Variants in TFDP1 observed in about 807,000 individuals in gnomAD.
TFDP1 encodes DRTF1-polypeptide 1.
TFDP1 carries 6 observed loss-of-function variants against 48.0 expected under a neutral mutation model. The ratio of observed to expected loss-of-function variants is 0.13; its 90% confidence interval spans 0.07 to 0.25. TFDP1 has a LOEUF of 0.25. Among genes scored for constraint, TFDP1 ranks in the 10% least tolerant of loss-of-function variants. The pLI is 1.00. For missense variants in TFDP1, 335 were observed against 543.0 expected (o/e 0.62, Z 3.81); for synonymous variants, 201 against 211.6 (o/e 0.95, Z 0.44).
intron 2 of TFDP1, among the ~76,000 whole-genome samples, chr13:113,590,470 C>T (rs545877427): frequency 1.3e-5 from 2 of 152,294 alleles, no homozygotes; most frequent in East Asian, 1.9e-4. Flanking sequence ...CTGCTGTTTC[C>T]TTCAGTGCTT....
chr13:113,630,125 G>A (rs958927800), intron 4 of TFDP1, among the ~76,000 whole-genome samples: 74 of 151,410 alleles, frequency 4.9e-4, no homozygotes, highest in African/African-American at 1.4e-3. Context: ...TCAGCTGTTT[G>A]GATCTCCCAC....
chr13:113,601,864 G>C (rs2048438665), intron 2 of TFDP1, among the ~76,000 whole-genome samples: 1 of 151,534 alleles, frequency 6.6e-6, no homozygotes, highest in Admixed American at 6.6e-5. Context: ...CAGGAGTCGA[G>C]GGAGGAGCGG....
chr13:113,602,437 C>T (rs1207609564), intron 2 of TFDP1, among the ~76,000 whole-genome samples: 2 of 152,042 alleles, frequency 1.3e-5, no homozygotes, highest in African/African-American at 4.8e-5. Flanking sequence ...CAGGAGGGTC[C>T]TGGTAGCAGG....
chr13:113,631,960 C>T, intron 5 of TFDP1: 1 of 598,084 alleles, frequency 1.7e-6, no homozygotes, highest in Non-Finnish European at 2.8e-6. Flanking sequence ...TGGGCACCGC[C>T]CACCCCGCTT....
chr13:113,623,315 G>A lies in TFDP1; in HGVS notation c.186+29G>A. 6.3e-7 allele frequency: 1 copy of A among 1,578,136 alleles called. No individual in the cohort carries two copies. Among genetic ancestry groups the A allele is most frequent in the Non-Finnish European group, 8.6e-7 (1 of 1,160,446 alleles). The stretch of plus-strand genomic sequence containing the variant: ...AGCCTCCCGCAGGAGCGGACAGCCG[G>A]GATCTCGGTGTGAGGTCGGGATCGG... On this transcript the variant is annotated intron_variant, in intron 4 of 11. Coordinates refer to ENST00000375370, the MANE Select transcript of TFDP1 (RefSeq NM_007111.5). The surrounding 1 kb of genome is among the most constrained non-coding windows in gnomAD (Gnocchi z 5.2).
intron 3 of TFDP1, among the ~76,000 whole-genome samples, chr13:113,621,417 C>T (rs1359968079): frequency 1.3e-5 from 2 of 152,220 alleles, no homozygotes; most frequent in African/African-American, 4.8e-5. Flanking sequence ...AGGACACGAG[C>T]TGTTCCAGTA....
In TFDP1 at chr13:113,637,820, A is replaced by G. The variant is rs1322452959; in HGVS notation, c.1009A>G (p.Met337Val). 1 of 1,614,230 alleles carries G rather than the reference A, an allele frequency of 6.2e-7. No individual in the cohort carries two copies. Among genetic ancestry groups the G allele is most frequent in the Non-Finnish European group, 8.5e-7 (1 of 1,180,046 alleles). Residue 337 changes from methionine to valine, a missense_variant and splice_region_variant, in exon 11 of 12, where the codon ATG becomes GTG. Coordinates refer to ENST00000375370, the MANE Select transcript of TFDP1 (RefSeq NM_007111.5). Reference sequence around the variant, plus strand: ...GCTTATTTTCTTTCCCTTTTCAGAAATGGCTCAGGGAACTGTTGGAGGCGT... The same window carrying G: ...GCTTATTTTCTTTCCCTTTTCAGAAGTGGCTCAGGGAACTGTTGGAGGCGT... ...PKALEPYVTE[M>V]AQGTVGGVFI...
chr13:113,615,344 C>T (rs190626105), intron 3 of TFDP1, among the ~76,000 whole-genome samples: 3 of 152,338 alleles, frequency 2.0e-5, no homozygotes, highest in East Asian at 1.9e-4. Flanking sequence ...ATCATGCCTA[C>T]GGCCCCGCAG....
At chr13:113,597,779 T>TG (rs2048321803) in intron 2 of TFDP1, among the ~76,000 whole-genome samples, 1 of 152,202 alleles carries the variant, frequency 6.6e-6, no homozygotes, top group Non-Finnish European at 1.5e-5. Context: ...GGACGGCCAT[T>TG]GCCGTGTGTC....
At chr13:113,611,112 C>A in intron 3 of TFDP1, 50 bp downstream of exon 3, 1 of 1,507,420 alleles carries the variant, frequency 6.6e-7, no homozygotes, top group Non-Finnish European at 9.2e-7. Flanking sequence ...ATGCATGAAG[C>A]TTCACATGTT....
At chr13:113,596,970 T>G (rs1375627235) in intron 2 of TFDP1, among the ~76,000 whole-genome samples, 1 of 152,144 alleles carries the variant, frequency 6.6e-6, no homozygotes, top group Admixed American at 6.5e-5. Context: ...TGTGCATCCT[T>G]GTGGGTGGGC....
rs117446115 is a variant in TFDP1, at chr13:113,623,987, T to G, written c.186+701T>G. On this transcript the variant is annotated intron_variant, in intron 4 of 11. Coordinates refer to ENST00000375370, the MANE Select transcript of TFDP1 (RefSeq NM_007111.5). The surrounding 1 kb of genome is among the most constrained non-coding windows in gnomAD (Gnocchi z 5.2). ...GGCACTTGGTGGGCAGGTTTGGCTG[T>G]GACTGGAGCTGGTGGTGAGGGACAT... is the stretch of plus-strand genomic sequence containing the variant. Among the ~76,000 whole-genome samples, 1,617 of 152,306 alleles carry G rather than the reference T, an allele frequency of 0.011. 40 individuals carry two copies. The highest frequency in any genetic ancestry group is 0.11 in the East Asian group (549 of 5,178).
intron 2 of TFDP1, among the ~76,000 whole-genome samples, chr13:113,606,372 AAGGCCCTGGT>A (rs959473946): frequency 2.6e-5 from 4 of 152,168 alleles, no homozygotes; most frequent in African/African-American, 7.2e-5. Flanking sequence ...GTCCACCATC[AAGGCCCTGGT>A]AGGTTTGGTG....
At chr13:113,611,121 T>G (rs2048698815) in intron 3 of TFDP1, 59 bp downstream of exon 3, 1 of 1,451,688 alleles carries the variant, frequency 6.9e-7, no homozygotes, top group Non-Finnish European at 9.7e-7. Flanking sequence ...GCTTCACATG[T>G]TTATGAAGCT....
In TFDP1 at chr13:113,607,240, C is replaced by T. The variant is rs959556423; in HGVS notation, c.13-3756C>T. On this transcript the variant is annotated intron_variant, in intron 2 of 11. Transcript: ENST00000375370. The surrounding 1 kb of genome is among the most constrained non-coding windows in gnomAD (Gnocchi z 5.2). ...CAGGGCGTCATTCATCCCCCTGCCT[C>T]CTGAGCCCAGAGCTTCTCCAGGAGA... Among the ~76,000 whole-genome samples, 23 of 152,344 alleles carry T rather than the reference C, an allele frequency of 1.5e-4. No homozygotes were observed. Among genetic ancestry groups the T allele is most frequent in the Admixed American group, 1.1e-3 (17 of 15,310 alleles).
At chr13:113,626,987 C>G (rs1222501812) in intron 4 of TFDP1, among the ~76,000 whole-genome samples, 4 of 152,200 alleles carry the variant, frequency 2.6e-5, no homozygotes, top group Non-Finnish European at 4.4e-5. Context: ...CACTGAAAGT[C>G]AAGTTCCTGA....
chr13:113,613,055 C>T (rs575707397), intron 3 of TFDP1, among the ~76,000 whole-genome samples: 203 of 152,206 alleles, frequency 1.3e-3, no homozygotes, highest in South Asian at 1.7e-3. Flanking sequence ...CTCACTCTGT[C>T]GCCCAGGCTG....
intron 8 of TFDP1, 50 bp downstream of exon 8, chr13:113,634,652 T>C: frequency 6.8e-7 from 1 of 1,466,386 alleles, no homozygotes; most frequent in Non-Finnish European, 9.4e-7. Flanking sequence ...TTTTACTAAT[T>C]TAGCTTTATA....
intron 2 of TFDP1, among the ~76,000 whole-genome samples, chr13:113,591,009 C>CAAAA (rs71101595): frequency 0.19 from 11,565 of 59,382 alleles, 1,390 homozygotes; most frequent in Non-Finnish European, 0.23. Context: ...GACTCTGTCT[C>CAAAA]AAAAAAAAAA....
Sources: allele counts gnomAD v4.1 joint callset (sites outside exome capture counted in the v4.1 genomes callset), GRCh38; gene constraint gnomAD v4.1.1; non-coding constraint Gnocchi (gnomAD v3.1); transcripts MANE v1.5; gene names NCBI Gene and HGNC (gene_info 2026-07-23, HGNC 2026-07-21).